DLG2: variants seen among roughly 807,000 people sequenced by gnomAD.
DLG2 encodes the protein disks large homolog 2.
DLG2 carries 45 observed loss-of-function variants against 132.5 expected under a neutral mutation model. The observed-to-expected ratio is 0.34, with a 90% CI of 0.27 to 0.44. DLG2 has a LOEUF of 0.44. DLG2 is among the 20% of genes least tolerant of loss of function. DLG2 has a pLI of 1.00. For synonymous variants in DLG2, 424 were observed against 419.6 expected (o/e 1.01, Z -0.13); for missense variants, 1,045 against 1,196.9 (o/e 0.87, Z 1.87).
chr11:83,581,046 G>T (rs1216774086), intron 19 of DLG2, among the ~76,000 whole-genome samples: 2 of 151,452 alleles, frequency 1.3e-5, no homozygotes, highest in Non-Finnish European at 2.9e-5. Flanking sequence ...CACTCTGAGA[G>T]ACAAGTTTGC....
chr11:84,968,164 TA>T (rs2053583183), intron 6 of DLG2, among the ~76,000 whole-genome samples: 2 of 152,176 alleles, frequency 1.3e-5, no homozygotes, highest in Non-Finnish European at 2.9e-5. Flanking sequence ...TCCATGTAGT[TA>T]AATACAAAGC....
chr11:84,197,953 A>G (rs538962648), intron 8 of DLG2, among the ~76,000 whole-genome samples: 84 of 152,326 alleles, frequency 5.5e-4, no homozygotes, highest in African/African-American at 1.6e-3. Flanking sequence ...ATTTATTATC[A>G]TTTCATACTT....
At chr11:85,399,723 A>G (rs1362019876) in intron 3 of DLG2, among the ~76,000 whole-genome samples, 16 of 152,220 alleles carry the variant, frequency 1.1e-4, no homozygotes, top group South Asian at 6.2e-4. Context: ...AAACTGGCTA[A>G]CCATATGTAG....
At chr11:83,848,320 TA>T (rs2059036911) in intron 16 of DLG2, among the ~76,000 whole-genome samples, 1 of 152,194 alleles carries the variant, frequency 6.6e-6, no homozygotes, top group Non-Finnish European at 1.5e-5. Flanking sequence ...CTGGTACAGA[TA>T]TTTTTTGAAT....
At chr11:84,021,788 G>A (rs969913010) in intron 11 of DLG2, among the ~76,000 whole-genome samples, 6 of 147,960 alleles carry the variant, frequency 4.1e-5, no homozygotes, top group Admixed American at 3.4e-4. Flanking sequence ...ATGGAGTTTC[G>A]CTCTTGTTGC....
chr11:84,713,797 C>G (rs1404595773), intron 6 of DLG2, among the ~76,000 whole-genome samples: 2 of 151,852 alleles, frequency 1.3e-5, no homozygotes, highest in Non-Finnish European at 2.9e-5. Context: ...CTATCCTATC[C>G]AAAGGAAATA....
At chr11:84,667,199 G>T (rs373298848) in intron 6 of DLG2, among the ~76,000 whole-genome samples, 2 of 151,972 alleles carry the variant, frequency 1.3e-5, no homozygotes, top group Admixed American at 6.6e-5. Flanking sequence ...AACACCATTC[G>T]CACCGGGCAG....
At chr11:83,703,346 A>T (rs896029677) in intron 18 of DLG2, among the ~76,000 whole-genome samples, 2 of 152,198 alleles carry the variant, frequency 1.3e-5, no homozygotes, top group African/African-American at 4.8e-5. Flanking sequence ...ATGGAAGAGT[A>T]CACATAAAAA....
intron 4 of DLG2, among the ~76,000 whole-genome samples, chr11:85,190,626 TAAAG>T (rs2080451742): frequency 2.0e-5 from 3 of 151,850 alleles, no homozygotes. Context: ...GCTAGATTAA[TAAAG>T]AAAAAGAGAA....
chr11:85,057,765 T>C (rs1021639550), intron 6 of DLG2, among the ~76,000 whole-genome samples: 1 of 151,210 alleles, frequency 6.6e-6, no homozygotes, highest in African/African-American at 2.4e-5. Context: ...AACAGCTACA[T>C]ATGAAAAGAA....
chr11:84,128,798 G>A (rs1439891470), intron 9 of DLG2, among the ~76,000 whole-genome samples: 2 of 151,786 alleles, frequency 1.3e-5, no homozygotes, highest in African/African-American at 4.8e-5. Flanking sequence ...AATCACAAGG[G>A]GGAAAAAAAA....
At chr11:84,373,597 C>T (rs1186262708) in intron 7 of DLG2, among the ~76,000 whole-genome samples, 1 of 151,632 alleles carries the variant, frequency 6.6e-6, no homozygotes, top group African/African-American at 2.4e-5. Context: ...AAAGAAATAC[C>T]AGTTAGGGTG....
At chr11:84,077,467 A>G (rs1282233260) in intron 10 of DLG2, among the ~76,000 whole-genome samples, 1 of 152,140 alleles carries the variant, frequency 6.6e-6, no homozygotes, top group East Asian at 1.9e-4. Context: ...TCTTCTGACC[A>G]TGCTGGCCAT....
chr11:84,819,000 G>T (rs1478336821), intron 6 of DLG2, among the ~76,000 whole-genome samples: 1 of 151,036 alleles, frequency 6.6e-6, no homozygotes, highest in Non-Finnish European at 1.5e-5. Flanking sequence ...TTTAATGAGA[G>T]CCCACGACTC....
intron 4 of DLG2, among the ~76,000 whole-genome samples, chr11:85,284,035 CA>C (rs777969525): frequency 2.0e-5 from 3 of 151,586 alleles, no homozygotes; most frequent in Non-Finnish European, 4.4e-5. Context: ...AAATATTTTC[CA>C]AAAATGTTCA....
chr11:83,726,702 C>T (rs1051469994), intron 18 of DLG2, among the ~76,000 whole-genome samples: 1 of 152,160 alleles, frequency 6.6e-6, no homozygotes, highest in Non-Finnish European at 1.5e-5. Context: ...CTAATCTTGA[C>T]AGCAAGTCAG....
intron 3 of DLG2, among the ~76,000 whole-genome samples, chr11:85,370,941 C>T (rs553284664): frequency 1.3e-5 from 2 of 152,226 alleles, no homozygotes; most frequent in South Asian, 4.1e-4. Flanking sequence ...TAAGTATATG[C>T]TACCAATCAC....
At chr11:83,847,892 T>C (rs796821968) in intron 16 of DLG2, among the ~76,000 whole-genome samples, 8 of 152,368 alleles carry the variant, frequency 5.3e-5, no homozygotes, top group African/African-American at 1.9e-4. Context: ...CGTTCCTCTC[T>C]GTATTTCCGT....
At chr11:84,207,248 G>A (rs2096682636) in intron 8 of DLG2, among the ~76,000 whole-genome samples, 2 of 152,032 alleles carry the variant, frequency 1.3e-5, no homozygotes, top group East Asian at 1.9e-4. Flanking sequence ...TCAATGAAAT[G>A]CCAATGAATA....
Sources: gnomAD v4.1 joint callset for allele counts (sites outside exome capture counted in the v4.1 genomes callset) on GRCh38, gnomAD v4.1.1 for gene constraint, MANE v1.5 for transcripts, NCBI Gene and HGNC (gene_info 2026-07-23, HGNC 2026-07-21) for gene names.